Variants in CFAP68 observed in about 807,000 individuals in gnomAD.
CFAP68 encodes the protein cilia- and flagella-associated protein 68.
At chr11:111,881,390 C>A in the CFAP68 span, 1 of 1,517,306 alleles carries the variant, frequency 6.6e-7, no homozygotes, top group Non-Finnish European at 8.8e-7. Context: ...GCATTATTGG[C>A]TTTGTTTCTG....
chr11:111,885,164 G>GAAAAGA, the CFAP68 span: 1 of 147,512 alleles, frequency 6.8e-6, no homozygotes, highest in Non-Finnish European at 1.5e-5. Context: ...AAAAAAAAAA[G>GAAAAGA]AAAAGAAAAA....
chr11:111,879,794 C>G, the CFAP68 span, among the ~76,000 whole-genome samples: 1 of 152,056 alleles, frequency 6.6e-6, no homozygotes, highest in Non-Finnish European at 1.5e-5. Flanking sequence ...GGTGTGTGCT[C>G]TGGGAGCACA....
chr11:111,880,801 C>G, the CFAP68 span: 1 of 456,222 alleles, frequency 2.2e-6, no homozygotes. Context: ...GATCAGGACC[C>G]CTTCCGGTAA....
the CFAP68 span, chr11:111,881,576 C>T: frequency 2.0e-6 from 3 of 1,535,894 alleles, no homozygotes; most frequent in South Asian, 3.6e-5. Flanking sequence ...CTTCAAAGAG[C>T]TCAACCTACT....
chr11:111,880,036 C>T, the CFAP68 span, among the ~76,000 whole-genome samples: 6 of 152,076 alleles, frequency 3.9e-5, no homozygotes, highest in Non-Finnish European at 7.4e-5. Context: ...AGGCAGGGGC[C>T]AGGTCATAGG....
the CFAP68 span, chr11:111,883,027 A>G: frequency 2.4e-6 from 2 of 836,764 alleles, no homozygotes; most frequent in Non-Finnish European, 4.0e-6. Context: ...CATAGAACTC[A>G]GTCCATCTAA....
the CFAP68 span, chr11:111,884,716 A>G: frequency 6.6e-6 from 1 of 152,186 alleles, no homozygotes; most frequent in African/African-American, 2.4e-5. Flanking sequence ...TTTTACGTAA[A>G]ACAAAAGTAG....
chr11:111,883,922 CT>C, the CFAP68 span: 856 of 1,332,314 alleles, frequency 6.4e-4, 16 homozygotes, highest in East Asian at 0.019. Context: ...TTAATATTGA[CT>C]AGTTTCACAT....
the CFAP68 span, chr11:111,883,751 C>T: frequency 1.3e-6 from 2 of 1,513,298 alleles, no homozygotes; most frequent in Non-Finnish European, 1.8e-6. Flanking sequence ...TCTTTCCTTC[C>T]TTTTTTTTTC....
the CFAP68 span, chr11:111,881,288 A>G: frequency 2.1e-6 from 3 of 1,424,172 alleles, no homozygotes; most frequent in Non-Finnish European, 2.7e-6. Flanking sequence ...TACTCTGGTC[A>G]TCATGTTGTT....
the CFAP68 span, chr11:111,882,703 C>T: frequency 9.3e-7 from 1 of 1,074,348 alleles, no homozygotes; most frequent in Non-Finnish European, 1.3e-6. Flanking sequence ...GTGCAGTGAT[C>T]TCTCAGTTTT....
chr11:111,880,810 A>G, the CFAP68 span: 1 of 456,272 alleles, frequency 2.2e-6, no homozygotes, highest in South Asian at 1.5e-5. Flanking sequence ...CCCTTCCGGT[A>G]ACAAGAACAT....
the CFAP68 span, chr11:111,884,473 C>CA: frequency 0.047 from 4,792 of 101,978 alleles, 364 homozygotes; most frequent in African/African-American, 0.14. Context: ...GACTCTGTCT[C>CA]AAAAAAAAAA....
the CFAP68 span, chr11:111,881,086 C>A: frequency 3.3e-6 from 2 of 597,528 alleles, no homozygotes; most frequent in South Asian, 2.6e-5. Context: ...TGGAGGGTGG[C>A]AGTCTGATTC....
At chr11:111,881,603 T>G in the CFAP68 span, 1 of 1,534,632 alleles carries the variant, frequency 6.5e-7, no homozygotes, top group Non-Finnish European at 8.7e-7. Context: ...CAAGTTACTC[T>G]TCTTCAGGAA....
chr11:111,881,597 T>C, the CFAP68 span: 1 of 1,535,078 alleles, frequency 6.5e-7, no homozygotes, highest in Non-Finnish European at 8.7e-7. Context: ...CAGCATCAAG[T>C]TACTCTTCTT....
At chr11:111,881,680 ATCTTACC>A in the CFAP68 span, 2 of 1,454,198 alleles carry the variant, frequency 1.4e-6, no homozygotes, top group African/African-American at 1.4e-5. Flanking sequence ...TTGAGCTTTT[ATCTTACC>A]AAAAAAAATG....
At chr11:111,881,377 G>T in the CFAP68 span, 1 of 1,504,886 alleles carries the variant, frequency 6.6e-7, no homozygotes, top group South Asian at 1.3e-5. Context: ...ATCCTTCAAT[G>T]CTGCATTATT....
the CFAP68 span, chr11:111,885,166 AAAG>A: frequency 6.6e-3 from 992 of 151,366 alleles, 6 homozygotes; most frequent in Middle Eastern, 0.051. Context: ...AAAAAAAAGA[AAAG>A]AAAAAGAAAA....
Sources: allele counts gnomAD v4.1 joint callset (sites outside exome capture counted in the v4.1 genomes callset), GRCh38; gene constraint gnomAD v4.1.1; transcripts MANE v1.5; gene names NCBI Gene and HGNC (gene_info 2026-07-23, HGNC 2026-07-21).